Variants in RBM20 observed in about 807,000 individuals in gnomAD.
The protein encoded by RBM20 is RNA-binding protein 20.
RBM20 carries 51 observed loss-of-function variants against 110.1 expected under a neutral mutation model. That is an observed-to-expected ratio of 0.46 (90% CI 0.37 to 0.59). RBM20 has a LOEUF of 0.59. Among genes scored for constraint, RBM20 ranks in the 20% least tolerant of loss-of-function variants. RBM20 has a pLI of 0.00. For missense variants in RBM20, 1,512 were observed against 1,574.9 expected (o/e 0.96, Z 0.68); for synonymous variants, 589 against 618.2 (o/e 0.95, Z 0.70).
At position 110,781,302 on chromosome 10, in the gene RBM20, T is replaced by C. The variant is rs1189532559; in HGVS notation, c.693T>C (p.Tyr231=). ...CAGCTACAGCAGGATTCTATGAGTA[T>C]GGCAAAGCCAGCTCTGGCCAGACAT... is the stretch of plus-strand genomic sequence containing the variant. ...PAPATAGFYE[Y]GKASSGQTYG... Residue 231 remains tyrosine, a synonymous_variant, in exon 2 of 14, where the codon TAT becomes TAC. Coordinates refer to ENST00000369519, the MANE Select transcript of RBM20 (RefSeq NM_001134363.3). 6.4e-7 allele frequency: 1 copy of C among 1,551,572 alleles called. No homozygotes were observed. Among genetic ancestry groups the C allele is most frequent in the African/African-American group, 1.4e-5 (1 of 73,056 alleles).
chr10:110,651,893 G>A lies in RBM20; in HGVS notation c.191+7248G>A, dbSNP rs192144366. ...GCTGCATCCTCCTGCGCTGGCAATA[G>A]CAGAGTTGTGGAGAAACTTTATTTG... On this transcript the variant is annotated intron_variant, in intron 1 of 13. Coordinates refer to ENST00000369519, the MANE Select transcript of RBM20 (RefSeq NM_001134363.3). Among the ~76,000 whole-genome samples the A allele has an allele frequency of 1.5e-4, 23 of 152,324 alleles. No homozygotes were observed. In the East Asian group the frequency reaches 4.2e-3, roughly 28 times the overall value.
At chr10:110,767,473 G>A (rs1203284591) in intron 1 of RBM20, among the ~76,000 whole-genome samples, 3 of 144,348 alleles carry the variant, frequency 2.1e-5, no homozygotes, top group Non-Finnish European at 3.0e-5. Context: ...CCGGGCGGAG[G>A]GGCTCCTCAC....
intron 5 of RBM20, among the ~76,000 whole-genome samples, chr10:110,793,188 C>T (rs1010935703): frequency 2.4e-4 from 37 of 152,164 alleles, no homozygotes; most frequent in African/African-American, 8.0e-4. Flanking sequence ...ACCTAATCAG[C>T]GGCTGAGCTG....
At chr10:110,658,690 C>T (rs1188632516) in intron 1 of RBM20, among the ~76,000 whole-genome samples, 3 of 152,034 alleles carry the variant, frequency 2.0e-5, no homozygotes, top group Admixed American at 6.6e-5. Flanking sequence ...TTGCTGGAAG[C>T]CCTGCTGTGG....
Position 110,819,209 on chromosome 10 carries a change from A to G in RBM20, c.2551-863A>G, listed in dbSNP as rs575448388. On this transcript the variant is annotated intron_variant, in intron 9 of 13. Coordinates refer to ENST00000369519, the MANE Select transcript of RBM20 (RefSeq NM_001134363.3). ...TAAGTCATGGGAGAATATCCCCCAG[A>G]AACTTCTAATGTGGGGGTTGGCAAA... is the stretch of plus-strand genomic sequence containing the variant. Among the ~76,000 whole-genome samples, 3 of 152,388 alleles carry G rather than the reference A, an allele frequency of 2.0e-5. No homozygotes were observed. In the East Asian group the frequency reaches 5.8e-4, roughly 29 times the overall value.
At chr10:110,752,945 ATT>A (rs71492062) in intron 1 of RBM20, among the ~76,000 whole-genome samples, 15,357 of 108,452 alleles carry the variant, frequency 0.14, 1,069 homozygotes, top group Middle Eastern at 0.21. Flanking sequence ...ATATATATAT[ATT>A]TTTTTTTTTT....
At chr10:110,708,899 C>T (rs1411259407) in intron 1 of RBM20, among the ~76,000 whole-genome samples, 2 of 152,184 alleles carry the variant, frequency 1.3e-5, no homozygotes, top group Non-Finnish European at 2.9e-5. Flanking sequence ...GGTGGCAGGA[C>T]TGTGGCAGAA....
chr10:110,709,883 A>G (rs1356927618), intron 1 of RBM20, among the ~76,000 whole-genome samples: 2 of 152,080 alleles, frequency 1.3e-5, no homozygotes, highest in Non-Finnish European at 2.9e-5. Context: ...TTATGATTTC[A>G]AAAATCATAA....
chr10:110,789,725 G>A (rs905043277), intron 5 of RBM20, among the ~76,000 whole-genome samples: 1 of 152,136 alleles, frequency 6.6e-6, no homozygotes, highest in Non-Finnish European at 1.5e-5. Flanking sequence ...GTTTGCTGTT[G>A]GTAGGGTGAT....
chr10:110,790,705 G>A (rs951507264), intron 5 of RBM20, among the ~76,000 whole-genome samples: 3 of 151,970 alleles, frequency 2.0e-5, no homozygotes, highest in Non-Finnish European at 4.4e-5. Context: ...TATTTAAATC[G>A]ATTTCTAGAC....
At chr10:110,769,276 G>A (rs1268634158) in intron 1 of RBM20, among the ~76,000 whole-genome samples, 2 of 152,070 alleles carry the variant, frequency 1.3e-5, no homozygotes, top group Non-Finnish European at 2.9e-5. Context: ...TTGTTTATTT[G>A]TTTGTTTTAG....
intron 1 of RBM20, among the ~76,000 whole-genome samples, chr10:110,727,143 C>CTTTTTT (rs57606079): frequency 9.9e-5 from 8 of 80,656 alleles, no homozygotes; most frequent in Non-Finnish European, 1.4e-4. Context: ...TGCACCCAGC[C>CTTTTTT]TTTTTTTTTT....
intron 1 of RBM20, among the ~76,000 whole-genome samples, chr10:110,702,375 CA>C (rs1862772591): frequency 1.3e-5 from 2 of 152,174 alleles, no homozygotes; most frequent in South Asian, 4.2e-4. Flanking sequence ...AACAAACAAA[CA>C]AACAAACAAA....
chr10:110,809,968 G>A (rs1005997521), intron 7 of RBM20, among the ~76,000 whole-genome samples: 2 of 152,212 alleles, frequency 1.3e-5, no homozygotes, highest in Non-Finnish European at 2.9e-5. Context: ...TATAAAAAGC[G>A]GAGGCTGCAG....
At chr10:110,797,923 A>T (rs1446711859) in intron 6 of RBM20, among the ~76,000 whole-genome samples, 1 of 152,164 alleles carries the variant, frequency 6.6e-6, no homozygotes, top group Non-Finnish European at 1.5e-5. Context: ...TAGAAAGGGT[A>T]ATTGGCACCC....
intron 1 of RBM20, among the ~76,000 whole-genome samples, chr10:110,659,723 T>C (rs1036979209): frequency 2.6e-5 from 4 of 152,254 alleles, no homozygotes; most frequent in Middle Eastern, 3.4e-3. Context: ...TTTTTTTCTT[T>C]TCTTTTCTTT....
At chr10:110,648,574 C>T (rs567024337) in intron 1 of RBM20, among the ~76,000 whole-genome samples, 17 of 152,224 alleles carry the variant, frequency 1.1e-4, no homozygotes, top group African/African-American at 3.6e-4. Flanking sequence ...TCAGTTTGAG[C>T]CCAATTTTAG....
chr10:110,665,569 T>C (rs1164256723), intron 1 of RBM20, among the ~76,000 whole-genome samples: 2 of 152,068 alleles, frequency 1.3e-5, no homozygotes, highest in African/African-American at 4.8e-5. Context: ...TTAAAATACT[T>C]ATCAGCAAAA....
chr10:110,708,246 A>G (rs897596917), intron 1 of RBM20, among the ~76,000 whole-genome samples: 4 of 152,170 alleles, frequency 2.6e-5, no homozygotes, highest in African/African-American at 9.7e-5. Flanking sequence ...TTCATTTTGC[A>G]GTGTGCCCTG....
Sources: allele counts gnomAD v4.1 joint callset (sites outside exome capture counted in the v4.1 genomes callset), GRCh38; gene constraint gnomAD v4.1.1; transcripts MANE v1.5; gene names NCBI Gene and HGNC (gene_info 2026-07-23, HGNC 2026-07-21).